Variants in LDAH observed in about 807,000 individuals in gnomAD.
The protein encoded by LDAH is lipid droplet-associated hydrolase.
A neutral mutation model predicts 29.6 loss-of-function variants in LDAH; 26 were observed. That is an observed-to-expected ratio of 0.88 (90% confidence interval 0.64 to 1.22). LDAH has a LOEUF of 1.22. LDAH is among the 50% of genes most tolerant of loss of function. LDAH has a pLI of 0.00. For synonymous variants in LDAH, 117 were observed against 133.0 expected, an observed-to-expected ratio of 0.88 and a Z score of 0.83; for missense variants, 344 against 387.3, an observed-to-expected ratio of 0.89 and a Z score of 0.94.
chr2:20,771,715 T>C lies in LDAH; in HGVS notation c.468+3095A>G, dbSNP rs544769235. Among the ~76,000 whole-genome samples the C allele has an allele frequency of 1.1e-4, 16 of 152,328 alleles. No individual in the cohort carries two copies. The South Asian group carries it at 3.1e-3, about 30-fold the overall frequency. ...CTTCTGAATAATAATTTAAAAATCA[T>C]ACAGATGTTCACTGCCCCTCCTACC... On this transcript the variant is annotated intron_variant, in intron 4 of 6. Coordinates refer to ENST00000237822, the MANE Select transcript of LDAH (RefSeq NM_021925.4).
intron 3 of LDAH, among the ~76,000 whole-genome samples, chr2:20,786,345 A>G (rs1670552509): frequency 6.6e-6 from 1 of 152,052 alleles, no homozygotes; most frequent in South Asian, 2.1e-4. Context: ...TTGCACCACC[A>G]TGCCCGGCTA....
chr2:20,776,986 C>A (rs770420649), intron 3 of LDAH, among the ~76,000 whole-genome samples: 1 of 152,142 alleles, frequency 6.6e-6, no homozygotes, highest in Non-Finnish European at 1.5e-5. Flanking sequence ...AATCCTTTAA[C>A]CTAGGCTTCA....
intron 5 of LDAH, among the ~76,000 whole-genome samples, chr2:20,730,893 T>C (rs1666354238): frequency 6.6e-6 from 1 of 152,248 alleles, no homozygotes; most frequent in African/African-American, 2.4e-5. Flanking sequence ...CTCTGTTCCA[T>C]TGATTTATGT....
At chr2:20,749,911 C>T (rs1667841675) in intron 4 of LDAH, among the ~76,000 whole-genome samples, 1 of 152,126 alleles carries the variant, frequency 6.6e-6, no homozygotes, top group African/African-American at 2.4e-5. Context: ...CCATTTACTC[C>T]CAGACAGAAC....
At chr2:20,769,493 A>T (rs192367444) in intron 4 of LDAH, among the ~76,000 whole-genome samples, 1 of 152,358 alleles carries the variant, frequency 6.6e-6, no homozygotes, top group Non-Finnish European at 1.5e-5. Context: ...TCTTACTTTG[A>T]CAGCAGACAT....
At chr2:20,751,239 T>C (rs769687711) in intron 4 of LDAH, among the ~76,000 whole-genome samples, 1 of 152,188 alleles carries the variant, frequency 6.6e-6, no homozygotes, top group African/African-American at 2.4e-5. Context: ...AAAAAGCATA[T>C]CTTTTATTTT....
rs776295797 is a variant in LDAH at position 20,774,829 on chromosome 2, T to C, written c.449A>G (p.Lys150Arg). 6 of 1,613,036 alleles carry C rather than the reference T, an allele frequency of 3.7e-6. No homozygotes were observed. In the African/African-American group the frequency reaches 8.0e-5, roughly 22 times the overall value. Residue 150 changes from lysine to arginine, a missense_variant, in exon 4 of 7, where the codon AAG becomes AGG. Physicochemically the swap from Lys to Arg is conservative, Grantham distance 26 (BLOSUM62 2). Transcript: ENST00000237822. The part of the protein sequence containing the change: ...IGSYFTLQML[K>R]RVPELPVIRA... ...ACTTACCGGGAGCTCAGGGACTCGC[T>C]TCAGCATCTGAAGTGTGAAATAGCT...
intron 6 of LDAH, among the ~76,000 whole-genome samples, chr2:20,701,042 T>C (rs368542993): frequency 4.7e-4 from 72 of 152,270 alleles, no homozygotes; most frequent in Admixed American, 2.5e-3. Context: ...CCTACTCTTA[T>C]AGTTTCAGAG....
At chr2:20,683,938 G>C (rs1418642305), downstream of LDAH, 1 of 152,082 alleles carries the variant, frequency 6.6e-6, no homozygotes, top group East Asian at 1.9e-4. Context: ...GACAGATCTG[G>C]GATTTGAACC....
At chr2:20,746,177 G>A (rs908735554) in intron 4 of LDAH, among the ~76,000 whole-genome samples, 1 of 152,134 alleles carries the variant, frequency 6.6e-6, no homozygotes, top group African/African-American at 2.4e-5. Flanking sequence ...CTAGAAGAAT[G>A]TACCACACAG....
intron 5 of LDAH, among the ~76,000 whole-genome samples, chr2:20,710,729 C>T (rs571828333): frequency 6.1e-5 from 9 of 146,526 alleles, no homozygotes; most frequent in Non-Finnish European, 1.0e-4. Context: ...CATATATATA[C>T]ATATATATTA....
intron 5 of LDAH, among the ~76,000 whole-genome samples, chr2:20,714,745 T>C (rs1216291015): frequency 2.0e-5 from 3 of 152,178 alleles, no homozygotes; most frequent in Admixed American, 2.0e-4. Context: ...CAGAGAATAC[T>C]ATAAACACTT....
chr2:20,755,567 T>G (rs896911672), intron 4 of LDAH, among the ~76,000 whole-genome samples: 29 of 152,130 alleles, frequency 1.9e-4, no homozygotes, highest in Non-Finnish European at 1.3e-4. Flanking sequence ...AGAGCAGACT[T>G]GATGAATGAA....
intron 6 of LDAH, among the ~76,000 whole-genome samples, chr2:20,695,574 C>T (rs532348899): frequency 5.9e-4 from 89 of 151,958 alleles, no homozygotes; most frequent in Non-Finnish European, 8.4e-4. Context: ...CTCAGCCTCC[C>T]GAGTAGCTGG....
chr2:20,815,812 G>A (rs1175460777), intron 1 of LDAH, among the ~76,000 whole-genome samples: 1 of 151,926 alleles, frequency 6.6e-6, no homozygotes, highest in East Asian at 1.9e-4. Flanking sequence ...GTATCAATAA[G>A]GTTTAATTTG....
rs1057473313 is a variant in LDAH, at chr2:20,763,743, A to G, written c.468+11067T>C. 2.6e-5 allele frequency among the ~76,000 whole-genome samples: 4 copies of G among 152,356 alleles called. No individual in the cohort carries two copies. The East Asian group carries it at 7.7e-4, about 29-fold the overall frequency. ...TCTGAGAGGATGGGGGAACTTTTCG[A>G]TATCTGACAATATATCATTGGTACA... is the stretch of plus-strand genomic sequence containing the variant. On this transcript the variant is annotated intron_variant, in intron 4 of 6. Coordinates refer to ENST00000237822, the MANE Select transcript of LDAH (RefSeq NM_021925.4).
chr2:20,791,795 T>C (rs535074806), intron 2 of LDAH, among the ~76,000 whole-genome samples: 1 of 152,302 alleles, frequency 6.6e-6, no homozygotes, highest in African/African-American at 2.4e-5. Context: ...TAAGTAGCAA[T>C]CCAACTTTTT....
chr2:20,774,307 T>G (rs1669640514), intron 4 of LDAH, among the ~76,000 whole-genome samples: 1 of 152,160 alleles, frequency 6.6e-6, no homozygotes, highest in South Asian at 2.1e-4. Context: ...AATATGTGTC[T>G]CAAAAAGGCT....
At chr2:20,799,189 C>G (rs551841166) in intron 2 of LDAH, among the ~76,000 whole-genome samples, 1 of 152,242 alleles carries the variant, frequency 6.6e-6, no homozygotes, top group Non-Finnish European at 1.5e-5. Flanking sequence ...GATCATACCA[C>G]TGCACTCCAG....
Sources: gnomAD v4.1 joint callset for allele counts (sites outside exome capture counted in the v4.1 genomes callset) on GRCh38, gnomAD v4.1.1 for gene constraint, MANE v1.5 for transcripts, NCBI Gene and HGNC (gene_info 2026-07-23, HGNC 2026-07-21) for gene names.